Variants in MAP3K4 observed in about 807,000 individuals in gnomAD.
The protein encoded by MAP3K4 is MAP three kinase 1.
A neutral mutation model predicts 185.6 loss-of-function variants in MAP3K4; 67 were observed. The ratio of observed to expected loss-of-function variants is 0.36; its 90% CI spans 0.30 to 0.44. The LOEUF is 0.44. Ranked by LOEUF, MAP3K4 falls within the 20% of genes least tolerant of loss-of-function variation. MAP3K4 has a pLI of 1.00. For synonymous variants in MAP3K4, 702 were observed against 710.4 expected, an observed-to-expected ratio of 0.99 and a Z score of 0.19; for missense variants, 1,551 against 1,995.1, an observed-to-expected ratio of 0.78 and a Z score of 4.24.
In MAP3K4 at chr6:161,070,907, T is replaced by TA. The variant is rs1201083769; in HGVS notation, c.1950+58dup. 3.9e-5 allele frequency: 56 copies of TA among 1,424,774 alleles called. No individual in the cohort carries two copies. Among genetic ancestry groups the TA allele is most frequent in the Admixed American group, 5.5e-5 (2 of 36,076 alleles). The allele number at this position is 1,424,774 out of a possible 1,614,324, so 88.3% of individuals were successfully genotyped here. A position where few individuals can be genotyped will look rare whatever the true frequency, so the allele number is the denominator to read the frequency against. ...CAATTATTATATTATCCTACAGGCTTATCATTTTTATTTTGAGAGTTCCTT... is the reference window on the plus strand; with the variant it reads ...CAATTATTATATTATCCTACAGGCTTAATCATTTTTATTTTGAGAGTTCCTT... On this transcript the variant is annotated intron_variant, in intron 4 of 26. Coordinates refer to ENST00000392142, the MANE Select transcript of MAP3K4 (RefSeq NM_005922.4). This position sits in a 1 kb window ranked among gnomAD's most constrained non-coding sequence, Gnocchi z 4.5.
Position 161,110,048 on chromosome 6 carries a change from T to A in MAP3K4, c.4396+134T>A. 1.1e-6 allele frequency: 1 copy of A among 891,630 alleles called. No homozygotes were observed. The highest frequency in any genetic ancestry group is 1.7e-6 in the Non-Finnish European group (1 of 583,008). The allele number at this position is 891,630 out of a possible 1,614,324, so 55.2% of individuals were successfully genotyped here. A position where few individuals can be genotyped will look rare whatever the true frequency, so the allele number is the denominator to read the frequency against. ...GAAATACCTTTCATTGAAATACGCCTCTATAAGGATCCTGTATTCAGAAAC... is the reference window on the plus strand; with the variant it reads ...GAAATACCTTTCATTGAAATACGCCACTATAAGGATCCTGTATTCAGAAAC... On this transcript the variant is annotated intron_variant, in intron 23 of 26. Transcript: ENST00000392142. The surrounding 1 kb of genome is among the most constrained non-coding windows in gnomAD (Gnocchi z 4.8).
rs995759661 is a variant in MAP3K4 at position 161,103,329 on chromosome 6, A to G, written c.3856+550A>G. Among the ~76,000 whole-genome samples, 2 of 152,222 alleles carry G rather than the reference A, an allele frequency of 1.3e-5. No individual in the cohort carries two copies. The highest frequency in any genetic ancestry group is 4.8e-5 in the African/African-American group (2 of 41,460). The stretch of plus-strand genomic sequence containing the variant: ...TAGTAAATGAGAGGGTGAGGACCAG[A>G]AGGCACTTGTCTCAAGTCTAGCGCA... On this transcript the variant is annotated intron_variant, in intron 19 of 26. Coordinates refer to ENST00000392142, the MANE Select transcript of MAP3K4 (RefSeq NM_005922.4). The surrounding 1 kb of genome is among the most constrained non-coding windows in gnomAD (Gnocchi z 4.6).
chr6:161,047,098 G>A (rs1209359195), intron 2 of MAP3K4, among the ~76,000 whole-genome samples: 1 of 127,898 alleles, frequency 7.8e-6, no homozygotes, highest in Non-Finnish European at 1.6e-5. Context: ...CTGATATGTA[G>A]ATATATATTT....
intron 1 of MAP3K4, among the ~76,000 whole-genome samples, chr6:161,013,655 G>C (rs574482478): frequency 6.6e-6 from 1 of 152,210 alleles, no homozygotes; most frequent in Non-Finnish European, 1.5e-5. Flanking sequence ...TTATTGAAGA[G>C]GCAACGTTAC....
At chr6:161,095,211 A>G (rs932748878) in intron 15 of MAP3K4, among the ~76,000 whole-genome samples, 2 of 152,172 alleles carry the variant, frequency 1.3e-5, no homozygotes, top group African/African-American at 4.8e-5. Context: ...GGTTAGTGGA[A>G]CTGAACTGTC....
chr6:161,069,449 C>T (rs939275521), intron 3 of MAP3K4, among the ~76,000 whole-genome samples: 14 of 152,018 alleles, frequency 9.2e-5, no homozygotes, highest in East Asian at 3.9e-4. Flanking sequence ...TGATGGCACA[C>T]GTGTGTGAGG....
Position 161,055,929 on chromosome 6 carries a change from A to T in MAP3K4, c.1707+5950A>T, listed in dbSNP as rs930902358. Among the ~76,000 whole-genome samples the T allele has an allele frequency of 2.0e-5, 3 of 152,212 alleles. No individual in the cohort carries two copies. In the South Asian group the frequency reaches 6.2e-4, roughly 32 times the overall value. On this transcript the variant is annotated intron_variant, in intron 3 of 26. Transcript: ENST00000392142. ...ATCTCTACCTCCTGGAAGGGGGAGT[A>T]TCTAATGTATTATTTGGAATTTCTC...
intron 5 of MAP3K4, among the ~76,000 whole-genome samples, chr6:161,079,111 G>A (rs562382650): frequency 1.1e-3 from 172 of 151,618 alleles, no homozygotes; most frequent in Non-Finnish European, 2.1e-3. Context: ...CTACTTAGGA[G>A]GCTGAGGCAG....
chr6:161,088,066 A>G lies in MAP3K4; in HGVS notation c.2823+112A>G. ...TGACTACCCTAGTAATCACAAGTAT[A>G]TACTTCCCAAAAATATGCCTCAATG... On this transcript the variant is annotated intron_variant, in intron 10 of 26. Coordinates refer to ENST00000392142, the MANE Select transcript of MAP3K4 (RefSeq NM_005922.4). The surrounding 1 kb of genome is among the most constrained non-coding windows in gnomAD (Gnocchi z 4.5). 1 of 1,090,654 alleles carries G rather than the reference A, an allele frequency of 9.2e-7. No individual in the cohort carries two copies. The highest frequency in any genetic ancestry group is 1.3e-6 in the Non-Finnish European group (1 of 780,524). 67.6% of individuals were successfully genotyped at this position (1,090,654 alleles called of 1,614,324 possible). A position where few individuals can be genotyped will look rare whatever the true frequency, so the allele number is the denominator to read the frequency against.
chr6:161,057,668 GAT>G (rs1369337924), intron 3 of MAP3K4, among the ~76,000 whole-genome samples: 4 of 152,164 alleles, frequency 2.6e-5, no homozygotes, highest in African/African-American at 9.7e-5. Context: ...TGGAAACACT[GAT>G]TAGGCTCCAG....
At position 161,048,505 on chromosome 6, in the gene MAP3K4, T is replaced by C; in HGVS notation, c.344-111T>C. 2 of 683,280 alleles carry C rather than the reference T, an allele frequency of 2.9e-6. No individual in the cohort carries two copies. The highest frequency in any genetic ancestry group is 4.7e-6 in the Non-Finnish European group (2 of 421,568). The allele number at this position is 683,280 out of a possible 1,614,324, so 42.3% of individuals were successfully genotyped here. A position where few individuals can be genotyped will look rare whatever the true frequency, so the allele number is the denominator to read the frequency against. On this transcript the variant is annotated intron_variant, in intron 2 of 26. Transcript: ENST00000392142. This position sits in a 1 kb window ranked among gnomAD's most constrained non-coding sequence, Gnocchi z 4.7. ...ATATGGTATGCTTTTTTTTCTTCCA[T>C]TAGCAGTCTGAAAATATAAATATGT...
chr6:161,113,098 T>G (rs1778423188), intron 25 of MAP3K4, among the ~76,000 whole-genome samples: 1 of 152,212 alleles, frequency 6.6e-6, no homozygotes, highest in South Asian at 2.1e-4. Context: ...CATGAATGTT[T>G]ACAGCAGCTT....
chr6:161,092,627 A>C (rs1777376644), intron 13 of MAP3K4, among the ~76,000 whole-genome samples: 1 of 145,410 alleles, frequency 6.9e-6, no homozygotes, highest in African/African-American at 2.8e-5. Context: ...AATTTCTCCA[A>C]GTTAGAGAAA....
rs1248793649 is a variant in MAP3K4 at position 161,108,076 on chromosome 6, C to T, written c.4119+107C>T. 14 of 932,462 alleles carry T rather than the reference C, an allele frequency of 1.5e-5. No individual in the cohort carries two copies. The highest frequency in any genetic ancestry group is 8.2e-5 in the African/African-American group (5 of 60,916). The allele number at this position is 932,462 out of a possible 1,614,324, so 57.8% of individuals were successfully genotyped here. On this transcript the variant is annotated intron_variant, in intron 21 of 26. Coordinates refer to ENST00000392142, the MANE Select transcript of MAP3K4 (RefSeq NM_005922.4). The surrounding 1 kb of genome is among the most constrained non-coding windows in gnomAD (Gnocchi z 5.7). ...AGTTCTCTGTGCGTAGAGCTGTCTT[C>T]AGCACCAGCACTGCGACAGTCAGGA...
At chr6:161,010,550 C>T (rs1302195883) in intron 1 of MAP3K4, among the ~76,000 whole-genome samples, 1 of 152,024 alleles carries the variant, frequency 6.6e-6, no homozygotes, top group Non-Finnish European at 1.5e-5. Context: ...ATTTTGTTTT[C>T]CTACTTAGTC....
intron 1 of MAP3K4, among the ~76,000 whole-genome samples, chr6:161,027,159 A>C (rs1782714198): frequency 6.6e-6 from 1 of 152,196 alleles, no homozygotes. Context: ...ACTGATGTTC[A>C]CAGCATCATG....
In MAP3K4 at chr6:161,022,450, A is replaced by T. The variant is rs1449220381; in HGVS notation, c.153-11809A>T. On this transcript the variant is annotated intron_variant, in intron 1 of 26. Transcript: ENST00000392142. The surrounding 1 kb of genome is among the most constrained non-coding windows in gnomAD (Gnocchi z 4.2). ...GGATGGTTAAAAAGCTTCACCAAAG[A>T]TGTGAGTCCTAGAGCGGACCAGAGA... Among the ~76,000 whole-genome samples the T allele has an allele frequency of 3.3e-5, 5 of 152,226 alleles. No homozygotes were observed. Among genetic ancestry groups the T allele is most frequent in the Non-Finnish European group, 7.3e-5 (5 of 68,044 alleles).
At chr6:161,069,610 G>A (rs1366090755) in intron 3 of MAP3K4, among the ~76,000 whole-genome samples, 1 of 152,176 alleles carries the variant, frequency 6.6e-6, no homozygotes, top group East Asian at 1.9e-4. Flanking sequence ...TGTCAGATGA[G>A]AGTATCATTC....
intron 1 of MAP3K4, among the ~76,000 whole-genome samples, chr6:160,994,791 C>A (rs1418336745): frequency 6.6e-6 from 1 of 152,138 alleles, no homozygotes; most frequent in South Asian, 2.1e-4. Flanking sequence ...ACCTCTGCCT[C>A]CCGAGTTCGA....
Sources: allele counts gnomAD v4.1 joint callset (sites outside exome capture counted in the v4.1 genomes callset), GRCh38; gene constraint gnomAD v4.1.1; non-coding constraint Gnocchi (gnomAD v3.1); transcripts MANE v1.5; gene names NCBI Gene and HGNC (gene_info 2026-07-23, HGNC 2026-07-21).